Variants in RPL28 observed in about 807,000 individuals in gnomAD.
RPL28 encodes large ribosomal subunit protein eL28.
A neutral mutation model predicts 12.5 loss-of-function variants in RPL28; 4 were observed. The observed-to-expected ratio is 0.32, with a 90% CI of 0.16 to 0.73. RPL28 has a LOEUF of 0.73. Among genes scored for constraint, RPL28 ranks in the 30% least tolerant of loss-of-function variants. The pLI, the probability that RPL28 is intolerant of heterozygous loss-of-function variation, is 0.66. For synonymous variants in RPL28, 91 were observed against 72.5 expected (o/e 1.26, Z -1.30); for missense variants, 214 against 197.7 (o/e 1.08, Z -0.49).
intron 4 of RPL28, chr19:55,401,825 CAA>C: frequency 6.4e-7 from 1 of 1,572,686 alleles, no homozygotes; most frequent in Middle Eastern, 1.7e-4. Context: ...CAGGCCTCCA[CAA>C]GAGGGTGGCC....
At position 55,388,424 on chromosome 19, in the gene RPL28, C is replaced by G. The variant is rs1269509137; in HGVS notation, c.*92C>G. 7.2e-6 allele frequency: 10 copies of G among 1,386,412 alleles called. No homozygotes were observed. The highest frequency in any genetic ancestry group is 9.4e-6 in the Non-Finnish European group (10 of 1,065,618). The allele number at this position is 1,386,412 out of a possible 1,614,324, so 85.9% of individuals were successfully genotyped here. A position where few individuals can be genotyped will look rare whatever the true frequency, so the allele number is the denominator to read the frequency against. On this transcript the variant is annotated 3_prime_UTR_variant, in exon 5 of 5. Coordinates refer to ENST00000344063, the MANE Select transcript of RPL28 (RefSeq NM_000991.5). ...TGAAACGCTCTGGGGAGCTCTGGCC[C>G]TGTGTGTTGTCATTCAGGCCATGTC...
At chr19:55,403,035 G>A (rs1223763242) in exon 5 of RPL28, 1 of 1,464,494 alleles carries the variant, frequency 6.8e-7, no homozygotes, top group Admixed American at 2.0e-5. Context: ...CCGCAGCCAG[G>A]TCATTCTGTG....
chr19:55,388,512 G>A lies in RPL28; in HGVS notation c.*180G>A. On this transcript the variant is annotated 3_prime_UTR_variant, in exon 5 of 5. Transcript: ENST00000344063. ...GATGTCAATGGCTGGCCATGCAGGA[G>A]GGGTGGGGTAGCTGCCTTGTCCCTG... The A allele has an allele frequency of 2.3e-6, 3 of 1,301,190 alleles. No individual in the cohort carries two copies. The highest frequency in any genetic ancestry group is 2.0e-6 in the Non-Finnish European group (2 of 1,021,496). The allele number at this position is 1,301,190 out of a possible 1,614,324, so 80.6% of individuals were successfully genotyped here. A position where few individuals can be genotyped will look rare whatever the true frequency, so the allele number is the denominator to read the frequency against.
intron 3 of RPL28, chr19:55,387,539 C>A: frequency 1.4e-6 from 2 of 1,431,778 alleles, no homozygotes; most frequent in Non-Finnish European, 1.8e-6. Context: ...CTGGGCCTCT[C>A]AGCCAAGCTG....
intron 4 of RPL28, chr19:55,401,519 C>T (rs1437182817): frequency 6.2e-7 from 1 of 1,610,290 alleles, no homozygotes; most frequent in Non-Finnish European, 8.5e-7. Flanking sequence ...TGCTTCTTGG[C>T]CATGGGACCC....
chr19:55,396,148 G>A (rs144832568), downstream of RPL28, among the ~76,000 whole-genome samples: 7 of 151,774 alleles, frequency 4.6e-5, no homozygotes, highest in East Asian at 2.0e-4. Flanking sequence ...GTGTGCACCC[G>A]TAGTTCCAGT....
In RPL28 at chr19:55,388,829, G is replaced by T. The variant is rs1279223172; in HGVS notation, c.*497G>T. ...CCAGGGAGTGGGTGCAGCCACATTT[G>T]GAGGGGATGGGCTTTACTTGATGCA... On this transcript the variant is annotated 3_prime_UTR_variant, in exon 5 of 5. Coordinates refer to ENST00000344063, the MANE Select transcript of RPL28 (RefSeq NM_000991.5). 5.1e-6 allele frequency: 5 copies of T among 987,632 alleles called. No individual in the cohort carries two copies. The highest frequency in any genetic ancestry group is 6.0e-6 in the Non-Finnish European group (5 of 831,580). 61.2% of individuals were successfully genotyped at this position (987,632 alleles called of 1,614,324 possible).
Position 55,388,238 on chromosome 19 carries a change from C to T in RPL28, c.325-5C>T. 6.5e-7 allele frequency: 1 copy of T among 1,539,032 alleles called. No homozygotes were observed. Among genetic ancestry groups the T allele is most frequent in the South Asian group, 1.2e-5 (1 of 81,720 alleles). The stretch of plus-strand genomic sequence containing the variant: ...CTGAGCCTTGCTCTGCTCCCCCGCC[C>T]CCAGGCAGCCATCCGCAGGGCCAGC... On this transcript the variant is annotated splice_polypyrimidine_tract_variant and splice_region_variant and intron_variant, in intron 4 of 4. Coordinates refer to ENST00000344063, the MANE Select transcript of RPL28 (RefSeq NM_000991.5).
rs1197202014 is a variant in RPL28 at position 55,402,500 on chromosome 19, G to A, written c.325-443G>A. ...TGCAGCCAGGCCTCCAGCAGCCCCA[G>A]CTGGATCCTCTGAAGTGGGTCTGGG... is the stretch of plus-strand genomic sequence containing the variant. On this transcript the variant is annotated intron_variant, in intron 4 of 4. Coordinates refer to the RPL28 transcript ENST00000560055. Among the ~76,000 whole-genome samples the A allele has an allele frequency of 2.0e-5, 3 of 152,208 alleles. No homozygotes were observed. In the East Asian group the frequency reaches 5.8e-4, roughly 29 times the overall value.
chr19:55,388,407 T>A lies in RPL28; in HGVS notation c.*75T>A. On this transcript the variant is annotated 3_prime_UTR_variant, in exon 5 of 5. Coordinates refer to ENST00000344063, the MANE Select transcript of RPL28 (RefSeq NM_000991.5). ...GACTGGGCCTCCCTTTTTGAAACGC[T>A]CTGGGGAGCTCTGGCCCTGTGTGTT... 7.1e-7 allele frequency: 1 copy of A among 1,415,642 alleles called. No homozygotes were observed. Among genetic ancestry groups the A allele is most frequent in the Non-Finnish European group, 9.2e-7 (1 of 1,081,406 alleles). 87.7% of individuals were successfully genotyped at this position (1,415,642 alleles called of 1,614,324 possible). A position where few individuals can be genotyped will look rare whatever the true frequency, so the allele number is the denominator to read the frequency against.
At chr19:55,397,267 G>T (rs1440424067) in intron 4 of RPL28, among the ~76,000 whole-genome samples, 2 of 152,208 alleles carry the variant, frequency 1.3e-5, no homozygotes, top group Non-Finnish European at 2.9e-5. Flanking sequence ...GTGTATGAAG[G>T]CATTCAAGCT....
rs757212622 is a variant in RPL28 at position 55,401,801 on chromosome 19, C to T, written c.325-1142C>T. 2.9e-5 allele frequency: 47 copies of T among 1,608,116 alleles called. 1 individual carries two copies. In the Admixed American group the frequency reaches 7.7e-4, roughly 26 times the overall value. On this transcript the variant is annotated intron_variant, in intron 4 of 4. Coordinates refer to the RPL28 transcript ENST00000560055. The stretch of plus-strand genomic sequence containing the variant: ...CTCAGGGTCACAGTGGGTCGGGCAA[C>T]CTACAGGGACCCCCAGGCCTCCACA...
At chr19:55,396,688 C>T (rs1376247693), downstream of RPL28, among the ~76,000 whole-genome samples, 1 of 146,488 alleles carries the variant, frequency 6.8e-6, no homozygotes, top group African/African-American at 2.5e-5. Flanking sequence ...TCACGCCATT[C>T]TCCTGCCTCA....
In RPL28 at chr19:55,390,541, T is replaced by A. The variant is rs1255050360; in HGVS notation, c.*2209T>A. On this transcript the variant is annotated 3_prime_UTR_variant, in exon 5 of 5. Coordinates refer to ENST00000344063, the MANE Select transcript of RPL28 (RefSeq NM_000991.5). ...TCAGAAGGCCTTGTCCTTAACCACC[T>A]CCTTGCCTGCCCTGGAGGCTTGTGC... is the stretch of plus-strand genomic sequence containing the variant. The A allele has an allele frequency of 3.0e-6, 3 of 985,440 alleles. No homozygotes were observed. The highest frequency in any genetic ancestry group is 1.7e-5 in the African/African-American group (1 of 57,234). The allele number at this position is 985,440 out of a possible 1,614,324, so 61.0% of individuals were successfully genotyped here.
intron 3 of RPL28, chr19:55,387,576 G>C: frequency 7.0e-7 from 1 of 1,419,990 alleles, no homozygotes. Context: ...GTGGGGATGG[G>C]CCTGGGGTTC....
Position 55,390,432 on chromosome 19 carries a change from T to C in RPL28, c.*2100T>C. 2.0e-6 allele frequency: 2 copies of C among 979,524 alleles called. No homozygotes were observed. The highest frequency in any genetic ancestry group is 2.4e-6 in the Non-Finnish European group (2 of 824,508). 60.7% of individuals were successfully genotyped at this position (979,524 alleles called of 1,614,324 possible). A position where few individuals can be genotyped will look rare whatever the true frequency, so the allele number is the denominator to read the frequency against. On this transcript the variant is annotated 3_prime_UTR_variant, in exon 5 of 5. Transcript: ENST00000344063. ...TTTGCCCAGGCTGGTTTGGAACTCCTGACTTCAAATTACCCACCTGCCTCA... is the reference window on the plus strand; with the variant it reads ...TTTGCCCAGGCTGGTTTGGAACTCCCGACTTCAAATTACCCACCTGCCTCA...
downstream of RPL28, among the ~76,000 whole-genome samples, chr19:55,392,336 A>G (rs534841503): frequency 2.7e-4 from 41 of 151,260 alleles, no homozygotes; most frequent in Non-Finnish European, 5.2e-4. Context: ...GGCACTCTCA[A>G]TTGTCCCGCC....
chr19:55,386,760 C>T (rs1364970364), intron 3 of RPL28, 67 bp downstream of exon 3: 2 of 1,611,728 alleles, frequency 1.2e-6, no homozygotes, highest in Non-Finnish European at 8.5e-7. Context: ...TGATTTTTTA[C>T]TGTCAGGCAG....
chr19:55,391,702 ATGTGCAAAACCTGCTTGAC>A lies in RPL28; in HGVS notation c.*3376_*3394del. The A allele has an allele frequency of 6.5e-7, 1 of 1,534,316 alleles. No individual in the cohort carries two copies. Among genetic ancestry groups the A allele is most frequent in the Admixed American group, 2.0e-5 (1 of 50,712 alleles). On this transcript the variant is annotated 3_prime_UTR_variant, in exon 5 of 5. Coordinates refer to ENST00000344063, the MANE Select transcript of RPL28 (RefSeq NM_000991.5). Reference sequence around the variant, plus strand: ...TACTCAGGGTTGATGAGAAGATTAAATGTGCAAAACCTGCTTGACTGTGCCCACAAATCCTGATTGTAGG... The same window carrying A: ...TACTCAGGGTTGATGAGAAGATTAAATGTGCCCACAAATCCTGATTGTAGG...
Sources: allele counts gnomAD v4.1 joint callset (sites outside exome capture counted in the v4.1 genomes callset), GRCh38; gene constraint gnomAD v4.1.1; transcripts MANE v1.5; gene names NCBI Gene and HGNC (gene_info 2026-07-23, HGNC 2026-07-21).